Variants in MACROD1 observed in about 807,000 individuals in gnomAD.
MACROD1 encodes the protein mono-ADP ribosylhydrolase 1, also known as ADP-ribose glycohydrolase MACROD1.
In MACROD1, 31 loss-of-function variants were observed where a neutral mutation model predicts 41.4. That is an observed-to-expected ratio of 0.75 (90% CI 0.56 to 1.01). The LOEUF is 1.01. Ranked by LOEUF, MACROD1 falls within the 50% of genes least tolerant of loss-of-function variation. The pLI, the probability that MACROD1 is intolerant of heterozygous loss-of-function variation, is 0.00. For missense variants in MACROD1, 473 were observed against 460.0 expected (o/e 1.03, Z -0.26); for synonymous variants, 252 against 203.4 (o/e 1.24, Z -2.03).
At chr11:64,007,188 C>T (rs554210166) in intron 4 of MACROD1, among the ~76,000 whole-genome samples, 80 of 152,338 alleles carry the variant, frequency 5.3e-4, no homozygotes, top group Non-Finnish European at 1.0e-3. Context: ...AAAATGCGTA[C>T]GAGGGCTCGG....
At chr11:64,114,055 CATGGATGGATGGATGG>C (rs61724501) in intron 3 of MACROD1, among the ~76,000 whole-genome samples, 25 of 98,120 alleles carry the variant, frequency 2.5e-4, no homozygotes, top group African/African-American at 5.4e-4. Context: ...TGGGTTGATG[CATGGATGGATGGATGG>C]ATGGATGGAT....
At chr11:64,076,494 T>C (rs1168184210) in intron 3 of MACROD1, among the ~76,000 whole-genome samples, 2 of 152,134 alleles carry the variant, frequency 1.3e-5, no homozygotes, top group East Asian at 1.9e-4. Flanking sequence ...GGACGGATGA[T>C]GTCTCATCTG....
chr11:64,054,590 A>G (rs956469305), intron 3 of MACROD1, among the ~76,000 whole-genome samples: 4 of 152,140 alleles, frequency 2.6e-5, no homozygotes, highest in Non-Finnish European at 5.9e-5. Flanking sequence ...TCCATCTACC[A>G]GGGCAAGCCA....
chr11:64,088,568 TCTCCTGGCCTGGAGCAGGTCTCTC>T (rs1285428236), intron 3 of MACROD1, among the ~76,000 whole-genome samples: 1 of 151,960 alleles, frequency 6.6e-6, no homozygotes, highest in Non-Finnish European at 1.5e-5. Flanking sequence ...ACAGTGTGTT[TCTCCTGGCCTGGAGCAGGTCTCTC>T]CTCCTCCTCC....
intron 4 of MACROD1, among the ~76,000 whole-genome samples, chr11:64,002,232 T>C (rs1215321949): frequency 6.6e-6 from 1 of 152,198 alleles, no homozygotes; most frequent in Admixed American, 6.5e-5. Context: ...TGGCACCGGC[T>C]GCTCGAAGTC....
At chr11:64,068,832 G>C (rs949580855) in intron 3 of MACROD1, among the ~76,000 whole-genome samples, 1 of 152,254 alleles carries the variant, frequency 6.6e-6, no homozygotes. Context: ...TCACTGAGCA[G>C]CCCTCCCAGC....
chr11:64,130,436 C>T (rs1244398604), intron 3 of MACROD1, among the ~76,000 whole-genome samples: 5 of 152,296 alleles, frequency 3.3e-5, no homozygotes, highest in African/African-American at 9.6e-5. Flanking sequence ...CCTTCTCCTG[C>T]CCCTACTTCC....
intron 3 of MACROD1, among the ~76,000 whole-genome samples, chr11:64,043,449 G>T (rs1943527020): frequency 6.6e-6 from 1 of 152,170 alleles, no homozygotes; most frequent in Non-Finnish European, 1.5e-5. Context: ...CTAAACGCCT[G>T]GTTGTGACAA....
chr11:64,151,899 C>T (rs1001313378), intron 2 of MACROD1, among the ~76,000 whole-genome samples: 4 of 152,146 alleles, frequency 2.6e-5, no homozygotes, highest in African/African-American at 9.7e-5. Context: ...GAGGCCGTGG[C>T]GGGCAGATCA....
intron 3 of MACROD1, among the ~76,000 whole-genome samples, chr11:64,077,331 G>C (rs988455037): frequency 2.0e-5 from 3 of 152,320 alleles, no homozygotes; most frequent in African/African-American, 7.2e-5. Context: ...ATCTCTCAGG[G>C]GCTGTGCTTC....
intron 3 of MACROD1, chr11:64,117,715 C>G: frequency 1.9e-6 from 3 of 1,613,670 alleles, no homozygotes; most frequent in Non-Finnish European, 2.5e-6. Context: ...ATCACGGAGA[C>G]CTTGGTGCAG....
At chr11:63,999,900 C>A in intron 5 of MACROD1, 137 bp from the exon 6 acceptor site, 1 of 1,055,432 alleles carries the variant, frequency 9.5e-7, no homozygotes, top group Non-Finnish European at 1.3e-6. Flanking sequence ...CGAAGGCCCC[C>A]ACCCCTGTGG....
Position 64,101,653 on chromosome 11 carries a change from C to T in MACROD1, c.517+49586G>A, listed in dbSNP as rs772089448. ...CAATTTATAATTGGATGAAATCACG[C>T]GGGTGGTAATAGCAATAAGGGCTCG... On this transcript the variant is annotated intron_variant, in intron 3 of 10. Coordinates refer to ENST00000255681, the MANE Select transcript of MACROD1 (RefSeq NM_014067.4). Among the ~76,000 whole-genome samples, 5 of 152,178 alleles carry T rather than the reference C, an allele frequency of 3.3e-5. No individual in the cohort carries two copies. The East Asian group carries it at 5.8e-4, about 18-fold the overall frequency.
chr11:64,053,014 C>T (rs991773044), intron 3 of MACROD1, among the ~76,000 whole-genome samples: 3 of 152,216 alleles, frequency 2.0e-5, no homozygotes, highest in African/African-American at 7.2e-5. Context: ...CGGTTGCTTA[C>T]ACCCCGGGCT....
At chr11:64,126,120 C>A (rs184353957) in intron 3 of MACROD1, among the ~76,000 whole-genome samples, 78 of 152,256 alleles carry the variant, frequency 5.1e-4, no homozygotes, top group Middle Eastern at 6.8e-3. Flanking sequence ...TGAGAAGACA[C>A]CCCCACAAAA....
At chr11:64,049,741 AG>A (rs1943655206) in intron 3 of MACROD1, among the ~76,000 whole-genome samples, 1 of 152,150 alleles carries the variant, frequency 6.6e-6, no homozygotes, top group Non-Finnish European at 1.5e-5. Context: ...TCTCATCCTG[AG>A]GGGGATCGGT....
intron 3 of MACROD1, among the ~76,000 whole-genome samples, chr11:64,147,742 TA>T (rs1555033839): frequency 8.4e-4 from 1 of 1,184 alleles, no homozygotes; most frequent in Admixed American, 0.056. Flanking sequence ...GATGTTCTAT[TA>T]TATATATATA....
At chr11:64,131,364 C>T (rs771392129) in intron 3 of MACROD1, among the ~76,000 whole-genome samples, 2 of 152,152 alleles carry the variant, frequency 1.3e-5, no homozygotes, top group African/African-American at 2.4e-5. Context: ...GATGGAGTCT[C>T]GCTCTGTCAC....
intron 3 of MACROD1, among the ~76,000 whole-genome samples, chr11:64,066,294 CAAAAAAAAAA>C (rs59963244): frequency 2.6e-3 from 131 of 50,946 alleles, no homozygotes; most frequent in Non-Finnish European, 4.9e-3. Flanking sequence ...GAGACTGTCT[CAAAAAAAAAA>C]AAAAAAAAAA....
Sources: allele counts gnomAD v4.1 joint callset (sites outside exome capture counted in the v4.1 genomes callset), GRCh38; gene constraint gnomAD v4.1.1; transcripts MANE v1.5; gene names NCBI Gene and HGNC (gene_info 2026-07-23, HGNC 2026-07-21).